Variants in SAE1 observed in about 807,000 individuals in gnomAD.
SAE1 encodes SUMO1 activating enzyme subunit 1, also known as SUMO-activating enzyme subunit 1.
Under a neutral mutation model 40.6 loss-of-function variants are expected in SAE1, and 11 were observed. The observed-to-expected ratio is 0.27, with a 90% CI of 0.17 to 0.45. The LOEUF (loss-of-function observed/expected upper bound fraction) is 0.45, where lower values mean the gene tolerates loss of function less well. Ranked by LOEUF, SAE1 falls within the 20% of genes least tolerant of loss-of-function variation. The pLI, the probability that SAE1 is intolerant of heterozygous loss-of-function variation, is 1.00. For synonymous variants in SAE1, 155 were observed against 154.3 expected (o/e 1.00, Z -0.03); for missense variants, 373 against 427.3 (o/e 0.87, Z 1.12).
At chr19:47,183,934 C>A (rs2058526711) in intron 6 of SAE1, among the ~76,000 whole-genome samples, 1 of 152,144 alleles carries the variant, frequency 6.6e-6, no homozygotes, top group African/African-American at 2.4e-5. Context: ...GTTCTGTGAC[C>A]AGAGGGTGTG....
chr19:47,138,515 A>G (rs1471884258), intron 1 of SAE1, among the ~76,000 whole-genome samples: 1 of 152,212 alleles, frequency 6.6e-6, no homozygotes. Flanking sequence ...TTATTTTATT[A>G]TGTACCAGAT....
rs1389951268 is a variant in SAE1, at chr19:47,130,859, G to GT, written c.-71dup. On this transcript the variant is annotated 5_prime_UTR_variant, in exon 1 of 9. Transcript: ENST00000270225. ...CACTCCGGGCGTGCTGCCGGCGGCG[G>GT]TAGGTGGCGCGCGGGTCCGGCGGGC... The GT allele has an allele frequency of 1.3e-6, 2 of 1,543,498 alleles. No homozygotes were observed. Among genetic ancestry groups the GT allele is most frequent in the African/African-American group, 2.8e-5 (2 of 72,624 alleles).
rs189908359 is a variant in SAE1 at position 47,139,172 on chromosome 19, G to C, written c.99-4322G>C. Among the ~76,000 whole-genome samples the C allele has an allele frequency of 4.6e-5, 7 of 152,172 alleles. No homozygotes were observed. In the East Asian group the frequency reaches 1.2e-3, roughly 25 times the overall value. ...TCACCATATTGGCCAGGCTGGTCTC[G>C]AACTCCTGACCTCAAGTGATCCGAC... On this transcript the variant is annotated intron_variant, in intron 1 of 8. Coordinates refer to ENST00000270225, the MANE Select transcript of SAE1 (RefSeq NM_005500.3).
intron 6 of SAE1, among the ~76,000 whole-genome samples, chr19:47,188,449 C>T (rs1401970381): frequency 6.6e-6 from 1 of 152,066 alleles, no homozygotes; most frequent in African/African-American, 2.4e-5. Flanking sequence ...AGATCTGAGG[C>T]AGTATCGTGT....
intron 8 of SAE1, 64 bp from the exon 9 acceptor site, chr19:47,209,095 T>C (rs917906856): frequency 1.3e-6 from 2 of 1,541,282 alleles, no homozygotes; most frequent in African/African-American, 1.4e-5. Context: ...CTTTTAGAAT[T>C]TTTTTTTCCC....
At chr19:47,196,235 C>T (rs890917641) in intron 6 of SAE1, among the ~76,000 whole-genome samples, 32 of 146,858 alleles carry the variant, frequency 2.2e-4, no homozygotes, top group African/African-American at 7.8e-4. Context: ...CGGGGTTTCA[C>T]CATGTTGGTC....
chr19:47,154,753 C>G (rs1247450418), intron 4 of SAE1, among the ~76,000 whole-genome samples: 7 of 152,154 alleles, frequency 4.6e-5, no homozygotes. Flanking sequence ...GCCTTGGCCT[C>G]CCACAGTGCT....
At chr19:47,184,636 C>T (rs1183370892) in intron 6 of SAE1, among the ~76,000 whole-genome samples, 1 of 152,036 alleles carries the variant, frequency 6.6e-6, no homozygotes, top group Non-Finnish European at 1.5e-5. Context: ...CTCTTGAACT[C>T]CTGACCTCAG....
At chr19:47,165,074 G>GTTT (rs1169117887) in intron 5 of SAE1, among the ~76,000 whole-genome samples, 6 of 94,956 alleles carry the variant, frequency 6.3e-5, no homozygotes, top group African/African-American at 7.7e-5. Context: ...CATGAGCCAA[G>GTTT]TCTTTTTTTT....
chr19:47,161,485 G>C (rs1428979630), intron 5 of SAE1, among the ~76,000 whole-genome samples: 1 of 152,040 alleles, frequency 6.6e-6, no homozygotes, highest in Non-Finnish European at 1.5e-5. Flanking sequence ...CCCTCACCAG[G>C]TAAGTAACCC....
At position 47,155,200 on chromosome 19, in the gene SAE1, C is replaced by A; in HGVS notation, c.614C>A (p.Thr205Lys). 1 of 1,612,600 alleles carries A rather than the reference C, an allele frequency of 6.2e-7. No homozygotes were observed. The highest frequency in any genetic ancestry group is 8.5e-7 in the Non-Finnish European group (1 of 1,178,868). The change falls in exon 5 of 9, where the codon ACG becomes AAG. Residue 205 changes from threonine to lysine, a missense_variant. Transcript: ENST00000270225. ...KRAKLDSSETTMVKKKVVFCP... is the reference protein window; with the variant it reads ...KRAKLDSSETKMVKKKVVFCP... ...GCAAAACTTGATTCTTCTGAGACAA[C>A]GATGGTCAAAAAGGTATGTGTAACG...
intron 1 of SAE1, among the ~76,000 whole-genome samples, chr19:47,138,913 G>A (rs994083667): frequency 6.6e-6 from 1 of 152,154 alleles, no homozygotes; most frequent in African/African-American, 2.4e-5. Flanking sequence ...TTTAAATTAG[G>A]TGGCCAGTAT....
chr19:47,203,258 A>G (rs569806957), intron 7 of SAE1, among the ~76,000 whole-genome samples: 57 of 152,254 alleles, frequency 3.7e-4, no homozygotes, highest in Admixed American at 2.7e-3. Context: ...CTACATGTTA[A>G]CACAGGCCTG....
At chr19:47,139,296 C>A (rs1483230987) in intron 1 of SAE1, among the ~76,000 whole-genome samples, 2 of 152,206 alleles carry the variant, frequency 1.3e-5, no homozygotes, top group Non-Finnish European at 2.9e-5. Flanking sequence ...CCCACCTTGG[C>A]CTCCCAAAGT....
chr19:47,198,054 A>G (rs958253331), intron 7 of SAE1, among the ~76,000 whole-genome samples: 1 of 151,808 alleles, frequency 6.6e-6, no homozygotes, highest in Non-Finnish European at 1.5e-5. Flanking sequence ...GCTCTCATAA[A>G]CAGGCTTAGG....
intron 1 of SAE1, among the ~76,000 whole-genome samples, chr19:47,133,998 G>T (rs571617273): frequency 1.3e-5 from 2 of 152,028 alleles, no homozygotes; most frequent in South Asian, 4.2e-4. Context: ...GAGTAGCTGG[G>T]ATTACAGGCG....
chr19:47,201,890 C>T (rs991766432), intron 7 of SAE1, among the ~76,000 whole-genome samples: 3 of 152,156 alleles, frequency 2.0e-5, no homozygotes, highest in Non-Finnish European at 4.4e-5. Context: ...GCCTTGGCCT[C>T]CCAAAGTGCT....
intron 5 of SAE1, among the ~76,000 whole-genome samples, chr19:47,156,106 C>CA (rs922847346): frequency 8.6e-5 from 13 of 150,572 alleles, no homozygotes; most frequent in Non-Finnish European, 1.3e-4. Context: ...CCCGTGTCTA[C>CA]AAAAAAAATG....
chr19:47,171,527 CTGCAA>C (rs1244644401), intron 6 of SAE1, among the ~76,000 whole-genome samples: 1 of 152,150 alleles, frequency 6.6e-6, no homozygotes, highest in African/African-American at 2.4e-5. Context: ...TCTTGGCTCA[CTGCAA>C]CCTCCACCTC....
Sources: allele counts gnomAD v4.1 joint callset (sites outside exome capture counted in the v4.1 genomes callset), GRCh38; gene constraint gnomAD v4.1.1; transcripts MANE v1.5; gene names NCBI Gene and HGNC (gene_info 2026-07-23, HGNC 2026-07-21).